Variants in ASIC2 observed in about 807,000 individuals in gnomAD.
ASIC2 encodes acid sensing ion channel subunit 2.
A neutral mutation model predicts 57.3 loss-of-function variants in ASIC2; 25 were observed. The observed-to-expected ratio is 0.44, with a 90% CI of 0.32 to 0.61. ASIC2 has a LOEUF of 0.61. Among genes scored for constraint, ASIC2 ranks in the 20% least tolerant of loss-of-function variants. ASIC2 has a pLI of 0.06. For missense variants in ASIC2, 641 were observed against 738.1 expected (o/e 0.87, Z 1.52); for synonymous variants, 319 against 307.5 (o/e 1.04, Z -0.39).
chr17:33,286,640 C>T (rs528824086), intron 1 of ASIC2, among the ~76,000 whole-genome samples: 1 of 152,316 alleles, frequency 6.6e-6, no homozygotes, highest in South Asian at 2.1e-4. Context: ...CCCTGAAGTC[C>T]TCTTTCTCTC....
Position 33,952,785 on chromosome 17 carries a change from A to G in ASIC2, c.555+203193T>C, listed in dbSNP as rs34134286. On this transcript the variant is annotated intron_variant, in intron 1 of 9. Coordinates refer to the ASIC2 transcript ENST00000359872. ...AAAAACATCCTAATTATGTAGAAAT[A>G]AAGGTAGGATTAAACAAACTATGTA... 7.4e-3 allele frequency among the ~76,000 whole-genome samples: 1,123 copies of G among 152,340 alleles called. 21 individuals are homozygous for G. The highest frequency in any genetic ancestry group is 0.026 in the African/African-American group (1,069 of 41,570).
intron 1 of ASIC2, among the ~76,000 whole-genome samples, chr17:33,244,435 G>C (rs1908620247): frequency 6.6e-6 from 1 of 152,200 alleles, no homozygotes; most frequent in Admixed American, 6.5e-5. Flanking sequence ...CTGTTTACGT[G>C]AGCCAACACA....
chr17:34,123,420 G>A (rs1251996283), intron 1 of ASIC2, among the ~76,000 whole-genome samples: 2 of 152,142 alleles, frequency 1.3e-5, no homozygotes, highest in Admixed American at 6.5e-5. Context: ...GACTACCAGG[G>A]AGGGAGAGGG....
intron 1 of ASIC2, among the ~76,000 whole-genome samples, chr17:33,767,644 G>A (rs56227917): frequency 6.6e-6 from 1 of 152,160 alleles, no homozygotes; most frequent in Admixed American, 6.5e-5. Flanking sequence ...ATTTATATCA[G>A]ATAATGCTAA....
chr17:33,087,725 ATT>A (rs112766148), intron 3 of ASIC2, among the ~76,000 whole-genome samples: 1 of 141,056 alleles, frequency 7.1e-6, no homozygotes. Flanking sequence ...ACCATGCCTA[ATT>A]TTTTTTTTTT....
chr17:33,982,421 C>T (rs914264216), intron 1 of ASIC2, among the ~76,000 whole-genome samples: 1 of 152,140 alleles, frequency 6.6e-6, no homozygotes, highest in Non-Finnish European at 1.5e-5. Context: ...GTGGGCCTGG[C>T]CAGAGGCTGC....
Position 33,078,500 on chromosome 17 carries a change from C to T in ASIC2, c.987+10363G>A, listed in dbSNP as rs142823751. On this transcript the variant is annotated intron_variant, in intron 3 of 9. Coordinates refer to ENST00000225823, the MANE Select transcript of ASIC2 (RefSeq NM_183377.2). ...CCCTCAGAGATCATTGCACAATATT[C>T]GATCCATCCTTCATTCCATCTAAGA... 9.8e-4 allele frequency among the ~76,000 whole-genome samples: 149 copies of T among 152,316 alleles called. 1 individual carries two copies. Among genetic ancestry groups the T allele is most frequent in the African/African-American group, 3.3e-3 (137 of 41,578 alleles).
intron 1 of ASIC2, among the ~76,000 whole-genome samples, chr17:33,118,686 C>G (rs546497039): frequency 9.8e-5 from 15 of 152,298 alleles, no homozygotes; most frequent in South Asian, 6.2e-4. Flanking sequence ...CCTGGGGAGT[C>G]TAAGGTTCAG....
At chr17:33,477,675 C>T (rs1373992214) in intron 1 of ASIC2, among the ~76,000 whole-genome samples, 3 of 152,190 alleles carry the variant, frequency 2.0e-5, no homozygotes, top group Admixed American at 1.3e-4. Context: ...AACATGACCA[C>T]GTCCCTGCCC....
chr17:33,922,591 T>A (rs889669841), intron 1 of ASIC2, among the ~76,000 whole-genome samples: 1 of 152,228 alleles, frequency 6.6e-6, no homozygotes, highest in African/African-American at 2.4e-5. Context: ...ATAATGAACA[T>A]TCTACAAATG....
chr17:33,708,861 G>A (rs1039020456), intron 1 of ASIC2, among the ~76,000 whole-genome samples: 1 of 152,260 alleles, frequency 6.6e-6, no homozygotes, highest in South Asian at 2.1e-4. Flanking sequence ...ACAAGCAGGA[G>A]CCCTGTTTCA....
rs553203252 is a variant in ASIC2, at chr17:33,719,796, T to C, written c.555+436182A>G. Among the ~76,000 whole-genome samples the C allele has an allele frequency of 1.1e-4, 17 of 152,334 alleles. No individual in the cohort carries two copies. The East Asian group carries it at 3.3e-3, about 29-fold the overall frequency. On this transcript the variant is annotated intron_variant, in intron 1 of 9. Coordinates refer to the ASIC2 transcript ENST00000359872. ...GGAGCTTCAGTGCTATTGCCCTTCC[T>C]ATCCCAAATTCCAAACTTATCCCTT...
intron 1 of ASIC2, among the ~76,000 whole-genome samples, chr17:33,745,799 G>A (rs551483405): frequency 1.3e-5 from 2 of 152,034 alleles, no homozygotes; most frequent in Non-Finnish European, 2.9e-5. Flanking sequence ...AATACTAAAG[G>A]AAGTGCTTCA....
At chr17:33,125,475 T>C (rs981589017) in intron 1 of ASIC2, among the ~76,000 whole-genome samples, 2 of 152,204 alleles carry the variant, frequency 1.3e-5, no homozygotes, top group Non-Finnish European at 2.9e-5. Flanking sequence ...GGACCTAAGA[T>C]GATTAGAGGC....
intron 1 of ASIC2, among the ~76,000 whole-genome samples, chr17:33,954,241 C>A (rs12950606): frequency 0.015 from 2,239 of 152,254 alleles, 71 homozygotes; most frequent in African/African-American, 0.051. Flanking sequence ...CGTGCCCCAG[C>A]CCTGAGATGG....
At chr17:33,417,358 A>T (rs140990476) in intron 1 of ASIC2, among the ~76,000 whole-genome samples, 16 of 152,312 alleles carry the variant, frequency 1.1e-4, no homozygotes, top group South Asian at 4.1e-4. Context: ...CCTGAAGCAG[A>T]TTATTCCTTA....
intron 7 of ASIC2, 57 bp downstream of exon 7, chr17:33,021,162 T>TTCCC: frequency 1.0e-5 from 7 of 694,006 alleles, no homozygotes; most frequent in East Asian, 2.8e-5. Flanking sequence ...CTGTGCATCC[T>TTCCC]CCCTCCCTCC....
intron 1 of ASIC2, among the ~76,000 whole-genome samples, chr17:33,324,252 G>A (rs1906978788): frequency 6.6e-6 from 1 of 152,226 alleles, no homozygotes; most frequent in Admixed American, 6.5e-5. Flanking sequence ...TGCAGTGGAT[G>A]TTACTATTTC....
At chr17:33,103,116 AT>A (rs1415306710) in intron 2 of ASIC2, among the ~76,000 whole-genome samples, 2 of 152,108 alleles carry the variant, frequency 1.3e-5, no homozygotes, top group Non-Finnish European at 2.9e-5. Flanking sequence ...CTTCTCTGAA[AT>A]TTCCTTTTTA....
Sources: gnomAD v4.1 joint callset for allele counts (sites outside exome capture counted in the v4.1 genomes callset) on GRCh38, gnomAD v4.1.1 for gene constraint, MANE v1.5 for transcripts, NCBI Gene and HGNC (gene_info 2026-07-23, HGNC 2026-07-21) for gene names.